The following NEDD4L variants were observed in gnomAD, a reference collection of about 807,000 sequenced individuals.
NEDD4L encodes E3 ubiquitin-protein ligase NEDD4-like.
In NEDD4L, 54 loss-of-function variants were observed where a neutral mutation model predicts 148.9. The observed-to-expected ratio is 0.36, with a 90% CI of 0.29 to 0.45. The LOEUF (loss-of-function observed/expected upper bound fraction) is 0.45. Among genes scored for constraint, NEDD4L ranks in the 20% least tolerant of loss-of-function variants. The pLI is 1.00. For missense variants in NEDD4L, 856 were observed against 1,233.8 expected (o/e 0.69, Z 4.59); for synonymous variants, 433 against 440.7 (o/e 0.98, Z 0.22).
intron 25 of NEDD4L, among the ~76,000 whole-genome samples, chr18:58,383,784 T>C (rs978638162): frequency 6.6e-6 from 1 of 152,216 alleles, no homozygotes; most frequent in Non-Finnish European, 1.5e-5. Flanking sequence ...CCTAAGGAAT[T>C]CTTTCTGGTA....
At chr18:58,238,147 G>A (rs2046240225) in intron 2 of NEDD4L, among the ~76,000 whole-genome samples, 1 of 152,180 alleles carries the variant, frequency 6.6e-6, no homozygotes, top group Non-Finnish European at 1.5e-5. Flanking sequence ...ACATATTTAA[G>A]AGTAGTGGCT....
At position 58,398,907 on chromosome 18, in the gene NEDD4L, C is replaced by T. The variant is rs1331232167; in HGVS notation, c.*2638C>T. The T allele has an allele frequency of 6.6e-6, 1 of 152,220 alleles. No homozygotes were observed. The highest frequency in any genetic ancestry group is 2.4e-5 in the African/African-American group (1 of 41,438). The allele number at this position is 152,220 out of a possible 1,614,324, so 9.4% of individuals were successfully genotyped here. A position where few individuals can be genotyped will look rare whatever the true frequency, so the allele number is the denominator to read the frequency against. ...GGGAGTAGCCCTGGGGGAGAGAGGG[C>T]AGTGTTGCCTATCCCAGAGGTCCCA... On this transcript the variant is annotated 3_prime_UTR_variant, in exon 31 of 31. Transcript: ENST00000400345.
At chr18:58,115,164 T>A (rs1288105261) in intron 1 of NEDD4L, among the ~76,000 whole-genome samples, 1 of 152,202 alleles carries the variant, frequency 6.6e-6, no homozygotes, top group African/African-American at 2.4e-5. Flanking sequence ...CTGGCCTTTG[T>A]CTTCTTGCCG....
chr18:58,217,039 C>T (rs1299642446), intron 2 of NEDD4L, among the ~76,000 whole-genome samples: 1 of 152,186 alleles, frequency 6.6e-6, no homozygotes, highest in Non-Finnish European at 1.5e-5. Context: ...ATTGTGTTTA[C>T]TGAATGGCAT....
chr18:58,254,718 CTT>C (rs1276042806), intron 5 of NEDD4L, among the ~76,000 whole-genome samples: 6 of 152,056 alleles, frequency 3.9e-5, no homozygotes, highest in African/African-American at 1.5e-4. Flanking sequence ...AAAGGAGACA[CTT>C]TGGTGTCTGC....
chr18:58,376,364 T>C (rs1410444444), intron 24 of NEDD4L, among the ~76,000 whole-genome samples: 2 of 152,220 alleles, frequency 1.3e-5, no homozygotes, highest in African/African-American at 4.8e-5. Flanking sequence ...AACAGACCCA[T>C]GAGATGAGTA....
chr18:58,082,103 T>TATATATA (rs1491360930), intron 1 of NEDD4L, among the ~76,000 whole-genome samples: 5 of 53,930 alleles, frequency 9.3e-5, no homozygotes, highest in African/African-American at 5.0e-4. Context: ...TATATATATA[T>TATATATA]TTTTTTTTTT....
intron 6 of NEDD4L, among the ~76,000 whole-genome samples, chr18:58,321,042 C>G (rs1470281391): frequency 6.6e-6 from 1 of 152,190 alleles, no homozygotes; most frequent in African/African-American, 2.4e-5. Flanking sequence ...TACTACAGAT[C>G]AGATGAATTG....
chr18:58,054,626 C>A, intron 1 of NEDD4L: 1 of 159,296 alleles, frequency 6.3e-6, no homozygotes, highest in South Asian at 1.9e-4. Context: ...AAGACTGAAT[C>A]ATTTCACTTT....
intron 2 of NEDD4L, among the ~76,000 whole-genome samples, chr18:58,229,272 G>A (rs2044763961): frequency 6.6e-6 from 1 of 152,190 alleles, no homozygotes; most frequent in Admixed American, 6.5e-5. Context: ...ACATTGAGAT[G>A]GCACATGTCT....
At chr18:58,240,815 T>TTATGTATG (rs61543959) in intron 2 of NEDD4L, among the ~76,000 whole-genome samples, 77,777 of 150,784 alleles carry the variant, frequency 0.52, 20,257 homozygotes, top group East Asian at 0.76. Flanking sequence ...CAGCTAACAT[T>TTATGTATG]TATGTATGTA....
At position 58,218,174 on chromosome 18, in the gene NEDD4L, T is replaced by A. The variant is rs538158842; in HGVS notation, c.123-27253T>A. Among the ~76,000 whole-genome samples, 3 of 152,302 alleles carry A rather than the reference T, an allele frequency of 2.0e-5. No individual in the cohort carries two copies. In the East Asian group the frequency reaches 5.8e-4, roughly 29 times the overall value. Reference sequence around the variant, plus strand: ...ATGTTGCCTACAGTTGAATTAACTGTTTTTATATACTTCCTTTGCTTTGCA... The same window carrying A: ...ATGTTGCCTACAGTTGAATTAACTGATTTTATATACTTCCTTTGCTTTGCA... On this transcript the variant is annotated intron_variant, in intron 2 of 30. Coordinates refer to ENST00000400345, the MANE Select transcript of NEDD4L (RefSeq NM_001144967.3).
intron 1 of NEDD4L, among the ~76,000 whole-genome samples, chr18:58,088,302 G>A (rs1375785705): frequency 1.3e-5 from 2 of 152,192 alleles, no homozygotes; most frequent in African/African-American, 4.8e-5. Flanking sequence ...CTACATGAGG[G>A]TGAGTCCAGG....
intron 1 of NEDD4L, among the ~76,000 whole-genome samples, chr18:58,089,672 A>G (rs2145264467): frequency 6.6e-6 from 1 of 152,274 alleles, no homozygotes; most frequent in Non-Finnish European, 1.5e-5. Context: ...TTCATCAGCT[A>G]GGGCTGTGGC....
At chr18:58,255,945 G>A (rs2048473204) in intron 5 of NEDD4L, 1 of 1,231,062 alleles carries the variant, frequency 8.1e-7, no homozygotes, top group Non-Finnish European at 1.0e-6. Flanking sequence ...GCCACGGACG[G>A]GGCCACGGAC....
chr18:58,355,365 A>G (rs554199909), intron 18 of NEDD4L, among the ~76,000 whole-genome samples: 6 of 152,268 alleles, frequency 3.9e-5, no homozygotes, highest in African/African-American at 9.6e-5. Flanking sequence ...CACGTTACCA[A>G]TTTTGGTGTT....
At chr18:58,181,382 G>T (rs530131091) in intron 2 of NEDD4L, among the ~76,000 whole-genome samples, 4 of 152,264 alleles carry the variant, frequency 2.6e-5, no homozygotes, top group African/African-American at 9.6e-5. Flanking sequence ...AAATGTTTAT[G>T]AATCAGAGCT....
intron 21 of NEDD4L, 106 bp from the exon 22 acceptor site, chr18:58,367,640 A>C: frequency 1.6e-6 from 2 of 1,216,034 alleles, no homozygotes; most frequent in Non-Finnish European, 1.2e-6. Context: ...TAGGTACAGA[A>C]TGCTCGCAGG....
chr18:58,186,217 T>C (rs1032540901), intron 2 of NEDD4L, among the ~76,000 whole-genome samples: 2 of 152,226 alleles, frequency 1.3e-5, no homozygotes, highest in Non-Finnish European at 2.9e-5. Flanking sequence ...TGTTGAGATA[T>C]CAGCATCCCT....
Sources: gnomAD v4.1 joint callset for allele counts (sites outside exome capture counted in the v4.1 genomes callset) on GRCh38, gnomAD v4.1.1 for gene constraint, MANE v1.5 for transcripts, NCBI Gene and HGNC (gene_info 2026-07-23, HGNC 2026-07-21) for gene names.